The following MAPK12 variants were observed in gnomAD, a reference collection of about 807,000 sequenced individuals.
MAPK12 encodes the protein MAP kinase 12.
A neutral mutation model predicts 49.1 loss-of-function variants in MAPK12; 49 were observed. The ratio of observed to expected loss-of-function variants is 1.00; its 90% CI spans 0.79 to 1.27. The LOEUF is 1.27. Among genes scored for constraint, MAPK12 ranks in the 50% most tolerant of loss-of-function variants. The probability of loss-of-function intolerance (pLI) is 0.00; values close to 1 mark genes in which losing one functional copy is unlikely to be tolerated. For missense variants in MAPK12, 554 were observed against 502.4 expected (o/e 1.10, Z -0.98); for synonymous variants, 251 against 209.7 (o/e 1.20, Z -1.70).
intron 11 of MAPK12, 80 bp from the exon 12 acceptor site, chr22:50,253,560 G>C (rs1377559309): frequency 4.1e-6 from 3 of 737,458 alleles, no homozygotes; most frequent in Non-Finnish European, 7.3e-6. Flanking sequence ...TCACAGACAC[G>C]CCTGGCGGTG....
At chr22:50,257,850 TCCTC>T (rs1569143142) in intron 3 of MAPK12, 1 of 732,356 alleles carries the variant, frequency 1.4e-6, no homozygotes, top group Non-Finnish European at 2.5e-6. Context: ...GCAGGGTGGG[TCCTC>T]CCTACCGCTT....
intron 11 of MAPK12, chr22:50,254,371 G>A (rs2065127055): frequency 6.5e-6 from 1 of 153,350 alleles, no homozygotes; most frequent in African/African-American, 2.4e-5. Flanking sequence ...GCAAGGAGAG[G>A]GCTGGGCGCG....
intron 2 of MAPK12, among the ~76,000 whole-genome samples, chr22:50,258,572 G>A (rs969352435): frequency 8.5e-5 from 13 of 152,264 alleles, no homozygotes; most frequent in African/African-American, 2.2e-4. Context: ...GGGGCAACCC[G>A]GAGTCTGGGA....
intron 11 of MAPK12, chr22:50,254,713 C>A: frequency 1.9e-6 from 2 of 1,069,424 alleles, no homozygotes; most frequent in South Asian, 5.9e-5. Flanking sequence ...GCAGAGAGGC[C>A]TTAGGGACAA....
At position 50,261,473 on chromosome 22, in the gene MAPK12, G is replaced by T. The variant is rs200538586; in HGVS notation, c.37C>A (p.Arg13Ser). 8.9e-4 allele frequency: 1,140 copies of T among 1,274,274 alleles called. 7 individuals are homozygous for T. The African/African-American group carries it at 0.016, about 18-fold the overall frequency. 78.9% of individuals were successfully genotyped at this position (1,274,274 alleles called of 1,614,324 possible). A position where few individuals can be genotyped will look rare whatever the true frequency, so the allele number is the denominator to read the frequency against. ...CAGGCCGTCTTGGTCACCTCCTGGC[G>T]GTAAAAGCCACTGCGGGCGGGCGGC... ...SPPPARSGFY[R>S]QEVTKTAWEV... Residue 13 changes from arginine (R) to serine (S), a missense_variant, in exon 1 of 12, where the codon CGC (arginine) becomes AGC (serine). Transcript: ENST00000215659.
intron 11 of MAPK12, 22 bp from the exon 12 acceptor site, chr22:50,253,502 G>GGGGGGGGGGGGGGGGCCCCCCCCCCCCCC: frequency 1.7e-5 from 3 of 171,672 alleles, no homozygotes; most frequent in African/African-American, 6.7e-5. Context: ...GGGGGGGCGG[G>GGGGGGGGGGGGGGGGCCCCCCCCCCCCCC]CACAACAGAG....
At chr22:50,260,987 G>A in intron 2 of MAPK12, 180 bp downstream of exon 2, 2 of 650,202 alleles carry the variant, frequency 3.1e-6, no homozygotes, top group East Asian at 3.7e-5. Flanking sequence ...GCCCTTGGGG[G>A]AGTCGTCTCC....
At chr22:50,254,827 C>T in intron 11 of MAPK12, 4 of 1,169,536 alleles carry the variant, frequency 3.4e-6, no homozygotes, top group Non-Finnish European at 4.3e-6. Context: ...CCCTGGTTCC[C>T]TGACTCACAG....
chr22:50,253,811 T>A, intron 11 of MAPK12: 1 of 387,440 alleles, frequency 2.6e-6, no homozygotes, highest in Non-Finnish European at 4.8e-6. Flanking sequence ...AGCAGAAACC[T>A]TTAATCAAAC....
chr22:50,260,155 G>A (rs1053497488), intron 2 of MAPK12, among the ~76,000 whole-genome samples: 3 of 152,064 alleles, frequency 2.0e-5, no homozygotes, highest in African/African-American at 7.3e-5. Flanking sequence ...GGTCAGGGTG[G>A]GCATGGGAAG....
intron 11 of MAPK12, chr22:50,253,753 C>G (rs2065121849): frequency 1.9e-6 from 1 of 538,816 alleles, no homozygotes; most frequent in Non-Finnish European, 3.3e-6. Context: ...TGGGTGGGGA[C>G]TACAGAGAGG....
intron 2 of MAPK12, 63 bp downstream of exon 2, chr22:50,261,101 GAAC>G: frequency 1.4e-6 from 2 of 1,448,658 alleles, no homozygotes; most frequent in Non-Finnish European, 1.8e-6. Flanking sequence ...CCGGGTGGGG[GAAC>G]CCAGCCCAGC....
At chr22:50,256,004 G>A (rs930922543) in intron 7 of MAPK12, 81 bp downstream of exon 7, 10 of 1,508,318 alleles carry the variant, frequency 6.6e-6, no homozygotes, top group Admixed American at 5.2e-5. Flanking sequence ...CCTGGGAGCA[G>A]CCACCACAGG....
rs772160186 is a variant in MAPK12 at position 50,255,859 on chromosome 22, G to A, written c.642C>T (p.Cys214=). 4.3e-6 allele frequency: 7 copies of A among 1,612,620 alleles called. No individual in the cohort carries two copies. Among genetic ancestry groups the A allele is most frequent in the Admixed American group, 3.3e-5 (2 of 59,996 alleles). Reference sequence around the variant, plus strand: ...TGCCTGTGATCATCTCCGCCATGATGCAGCCCACAGACCAGATGTCCACTG... The same window carrying A: ...TGCCTGTGATCATCTCCGCCATGATACAGCCCACAGACCAGATGTCCACTG... ...TQTVDIWSVG[C]IMAEMITGKT... The change falls in exon 8 of 12, where the codon TGC becomes TGT. Residue 214 remains cysteine, a synonymous_variant. Transcript: ENST00000215659.
intron 11 of MAPK12, chr22:50,254,567 G>A: frequency 2.5e-6 from 2 of 805,944 alleles, no homozygotes; most frequent in Non-Finnish European, 3.0e-6. Flanking sequence ...CAGGAGAACG[G>A]TGTGTACCCG....
At chr22:50,259,594 C>G (rs2065188091) in intron 2 of MAPK12, among the ~76,000 whole-genome samples, 1 of 152,098 alleles carries the variant, frequency 6.6e-6, no homozygotes, top group Admixed American at 6.5e-5. Context: ...AAGAAAAGCC[C>G]CGGTGGAGCC....
chr22:50,261,513 A>G lies in MAPK12; in HGVS notation c.-4T>C. 3 of 1,179,388 alleles carry G rather than the reference A, an allele frequency of 2.5e-6. No homozygotes were observed. The highest frequency in any genetic ancestry group is 3.2e-6 in the Non-Finnish European group (3 of 935,322). 73.1% of individuals were successfully genotyped at this position (1,179,388 alleles called of 1,614,324 possible). ...GGGCGGGCGGCGGAGAGCTCATGGCAGGCCCGGGAGCTGCCCACCCCGCAG... is the reference window on the plus strand; with the variant it reads ...GGGCGGGCGGCGGAGAGCTCATGGCGGGCCCGGGAGCTGCCCACCCCGCAG... On this transcript the variant is annotated 5_prime_UTR_variant, in exon 1 of 12. Transcript: ENST00000215659.
chr22:50,255,771 C>G, intron 8 of MAPK12, 39 bp downstream of exon 8: 1 of 1,611,106 alleles, frequency 6.2e-7, no homozygotes, highest in Non-Finnish European at 8.5e-7. Context: ...AGGAGCCATC[C>G]CCACCCGCCC....
chr22:50,253,502 G>GGGCCCCCCCC, intron 11 of MAPK12, 22 bp from the exon 12 acceptor site: 1 of 171,682 alleles, frequency 5.8e-6, no homozygotes, highest in Non-Finnish European at 1.1e-5. Context: ...GGGGGGGCGG[G>GGGCCCCCCCC]CACAACAGAG....
Sources: gnomAD v4.1 joint callset for allele counts (sites outside exome capture counted in the v4.1 genomes callset) on GRCh38, gnomAD v4.1.1 for gene constraint, MANE v1.5 for transcripts, NCBI Gene and HGNC (gene_info 2026-07-23, HGNC 2026-07-21) for gene names.